Variants in CRYBG1 observed in about 807,000 individuals in gnomAD.
CRYBG1 encodes beta/gamma crystallin domain-containing protein 1.
A neutral mutation model predicts 189.2 loss-of-function variants in CRYBG1; 139 were observed. The ratio of observed to expected loss-of-function variants is 0.73; its 90% CI spans 0.64 to 0.85. The LOEUF (loss-of-function observed/expected upper bound fraction) is 0.85, where lower values mean the gene tolerates loss of function less well. Ranked by LOEUF, CRYBG1 falls within the 40% of genes least tolerant of loss-of-function variation. The pLI is 0.00. For missense variants in CRYBG1, 2,611 were observed against 2,675.8 expected (o/e 0.98, Z 0.53); for synonymous variants, 1,023 against 1,017.1 (o/e 1.01, Z -0.11).
chr6:106,496,887 C>T (rs1365343962), intron 2 of CRYBG1, among the ~76,000 whole-genome samples: 2 of 152,160 alleles, frequency 1.3e-5, no homozygotes, highest in Non-Finnish European at 2.9e-5. Context: ...GCCTGTGCCT[C>T]CAGGTGTAAT....
intron 2 of CRYBG1, among the ~76,000 whole-genome samples, chr6:106,463,553 T>C (rs966416289): frequency 9.8e-5 from 15 of 152,360 alleles, no homozygotes; most frequent in South Asian, 2.1e-4. Flanking sequence ...TGATTTTAAA[T>C]ATATGTGTTT....
intron 21 of CRYBG1, among the ~76,000 whole-genome samples, chr6:106,566,713 A>ATGAGAGAGCAGCGCCGCACG (rs1280763980): frequency 6.6e-6 from 1 of 152,046 alleles, no homozygotes; most frequent in Non-Finnish European, 1.5e-5. Flanking sequence ...TCTTGTGGAC[A>ATGAGAGAGCAGCGCCGCACG]TGAGAGAGCA....
Position 106,519,368 on chromosome 6 carries a change from C to G in CRYBG1, c.2160C>G (p.Ala720=). ...TFVGRAKLNL[A]KKAKEMEQPE... is the part of the protein sequence containing the mutation. Reference sequence around the variant, plus strand: ...TTGGGAGGGCAAAGCTGAATTTAGCCAAAAAAGCCAAAGAAATGGAGCAAC... The same window carrying G: ...TTGGGAGGGCAAAGCTGAATTTAGCGAAAAAAGCCAAAGAAATGGAGCAAC... The change falls in exon 4 of 22, where the codon GCC becomes GCG. Residue 720 remains alanine (A), a synonymous_variant. Transcript: ENST00000633556. 1 of 1,613,970 alleles carries G rather than the reference C, an allele frequency of 6.2e-7. No homozygotes were observed. Among genetic ancestry groups the G allele is most frequent in the Non-Finnish European group, 8.5e-7 (1 of 1,179,998 alleles).
rs1261633396 is a variant in CRYBG1 at position 106,569,936 on chromosome 6, G to GTCT, written c.*1372_*1374dup. The GTCT allele has an allele frequency of 6.6e-6, 1 of 152,186 alleles. No individual in the cohort carries two copies. The highest frequency in any genetic ancestry group is 1.5e-5 in the Non-Finnish European group (1 of 68,024). 9.4% of individuals were successfully genotyped at this position (152,186 alleles called of 1,614,324 possible). On this transcript the variant is annotated 3_prime_UTR_variant, in exon 22 of 22. Transcript: ENST00000633556. ...GACCTTTAGGGATGTTGCTGGTCAA[G>GTCT]TCTTGATTTGACCGGAGTCAAATCA...
At chr6:106,470,042 C>G (rs551781124) in intron 2 of CRYBG1, among the ~76,000 whole-genome samples, 3 of 152,172 alleles carry the variant, frequency 2.0e-5, no homozygotes, top group Admixed American at 2.0e-4. Context: ...GACTTTTCCT[C>G]GGGGACAGGG....
At chr6:106,498,545 T>G (rs59468062) in intron 2 of CRYBG1, among the ~76,000 whole-genome samples, 3,847 of 152,242 alleles carry the variant, frequency 0.025, 170 homozygotes, top group African/African-American at 0.088. Flanking sequence ...AATGAACAAC[T>G]GTAGCAATTG....
chr6:106,522,768 A>G (rs1773639647), intron 4 of CRYBG1, among the ~76,000 whole-genome samples: 1 of 152,142 alleles, frequency 6.6e-6, no homozygotes, highest in Non-Finnish European at 1.5e-5. Flanking sequence ...GGTTCAATGT[A>G]TTGTATTGGC....
intron 13 of CRYBG1, among the ~76,000 whole-genome samples, chr6:106,545,927 G>A (rs1384801790): frequency 2.0e-5 from 3 of 152,116 alleles, no homozygotes; most frequent in South Asian, 2.1e-4. Context: ...TGATCCACCC[G>A]CCTTGGCCTC....
chr6:106,476,488 C>T (rs1354887941), intron 2 of CRYBG1, among the ~76,000 whole-genome samples: 1 of 152,204 alleles, frequency 6.6e-6, no homozygotes, highest in African/African-American at 2.4e-5. Flanking sequence ...TCTAAATACA[C>T]TTTGACTCAT....
intron 1 of CRYBG1, among the ~76,000 whole-genome samples, chr6:106,444,969 A>G (rs1040999643): frequency 6.9e-6 from 1 of 144,114 alleles, no homozygotes; most frequent in African/African-American, 2.5e-5. Flanking sequence ...CCCCGTCTTT[A>G]CAAAAACCAA....
At chr6:106,456,894 A>T (rs1413430374) in intron 2 of CRYBG1, among the ~76,000 whole-genome samples, 1 of 152,098 alleles carries the variant, frequency 6.6e-6, no homozygotes, top group East Asian at 1.9e-4. Flanking sequence ...TGACTCCTCC[A>T]CTGTTGGGCT....
intron 2 of CRYBG1, among the ~76,000 whole-genome samples, chr6:106,453,231 C>T (rs1476245221): frequency 6.6e-6 from 1 of 152,034 alleles, no homozygotes; most frequent in Non-Finnish European, 1.5e-5. Flanking sequence ...TGATGAAAAG[C>T]AGTAAAAAGG....
intron 1 of CRYBG1, among the ~76,000 whole-genome samples, chr6:106,403,001 A>G (rs1770751202): frequency 6.6e-6 from 1 of 152,206 alleles, no homozygotes; most frequent in South Asian, 2.1e-4. Flanking sequence ...ACATTAACGC[A>G]CAGCAGCTTC....
chr6:106,383,379 ATTCAGT>A (rs1391633253), intron 1 of CRYBG1, among the ~76,000 whole-genome samples: 1 of 152,224 alleles, frequency 6.6e-6, no homozygotes, highest in African/African-American at 2.4e-5. Context: ...GCACCAGGCT[ATTCAGT>A]GGCAAAGCTG....
chr6:106,476,749 G>A (rs372913721), intron 2 of CRYBG1, among the ~76,000 whole-genome samples: 1 of 152,152 alleles, frequency 6.6e-6, no homozygotes, highest in African/African-American at 2.4e-5. Flanking sequence ...CTGCCCATGA[G>A]GGACATGAAG....
chr6:106,498,852 C>CA (rs1390366982), intron 2 of CRYBG1, among the ~76,000 whole-genome samples: 1 of 150,288 alleles, frequency 6.7e-6, no homozygotes, highest in Admixed American at 6.6e-5. Flanking sequence ...CCAGCCTGGG[C>CA]AAAAAAAGTG....
chr6:106,452,264 AAC>A (rs553567338), intron 2 of CRYBG1, among the ~76,000 whole-genome samples: 11 of 140,412 alleles, frequency 7.8e-5, no homozygotes, highest in South Asian at 2.2e-4. Context: ...AAAAAAAAAA[AAC>A]AAAAAAATTA....
intron 1 of CRYBG1, among the ~76,000 whole-genome samples, chr6:106,420,534 A>C (rs889709964): frequency 1.3e-5 from 2 of 152,284 alleles, no homozygotes; most frequent in African/African-American, 4.8e-5. Context: ...AACAAAGCAC[A>C]TTTTGCATGC....
chr6:106,563,817 C>T lies in CRYBG1; in HGVS notation c.6192C>T (p.Ser2064=), dbSNP rs1228936875. ...TGGGCAGCCTGGTAACATCTGGCTC[C>T]AAGCTAGGCCTGGCCCTGGACCAGA... ...TIVGSLVTSG[S]KLGLALDQNA... is the part of the protein sequence containing the mutation. Residue 2064 remains serine, a synonymous_variant, in exon 21 of 22, where the codon TCC becomes TCT. Transcript: ENST00000633556. The T allele has an allele frequency of 6.2e-7, 1 of 1,612,874 alleles. No homozygotes were observed. Among genetic ancestry groups the T allele is most frequent in the Admixed American group, 1.7e-5 (1 of 60,004 alleles).
Sources: allele counts gnomAD v4.1 joint callset (sites outside exome capture counted in the v4.1 genomes callset), GRCh38; gene constraint gnomAD v4.1.1; transcripts MANE v1.5; gene names NCBI Gene and HGNC (gene_info 2026-07-23, HGNC 2026-07-21).